Variants in DDC observed in about 807,000 individuals in gnomAD.
DDC encodes aromatic-L-amino-acid decarboxylase.
A neutral mutation model predicts 60.0 loss-of-function variants in DDC; 43 were observed. The observed-to-expected ratio is 0.72, with a 90% confidence interval of 0.56 to 0.92. DDC has a LOEUF of 0.92. Ranked by LOEUF, DDC falls within the 40% of genes least tolerant of loss-of-function variation. The probability of loss-of-function intolerance (pLI) is 0.00; values close to 1 mark genes in which losing one functional copy is unlikely to be tolerated. For synonymous variants in DDC, 232 were observed against 234.6 expected, an observed-to-expected ratio of 0.99 and a Z score of 0.10; for missense variants, 573 against 620.2, an observed-to-expected ratio of 0.92 and a Z score of 0.81.
chr7:50,492,202 G>A (rs1323318581), intron 9 of DDC, among the ~76,000 whole-genome samples: 1 of 152,178 alleles, frequency 6.6e-6, no homozygotes, highest in Non-Finnish European at 1.5e-5. Context: ...TGTTTAAGCC[G>A]CTTGTCCATG....
intron 6 of DDC, among the ~76,000 whole-genome samples, chr7:50,519,122 C>CAACA (rs1227023545): frequency 1.1e-5 from 1 of 89,572 alleles, no homozygotes; most frequent in African/African-American, 4.2e-5. Flanking sequence ...TACAAATGGC[C>CAACA]AACAAACATA....
At chr7:50,522,917 G>A (rs964608647) in intron 6 of DDC, among the ~76,000 whole-genome samples, 13 of 152,124 alleles carry the variant, frequency 8.5e-5, no homozygotes, top group African/African-American at 2.9e-4. Context: ...AGAGAGCAAA[G>A]GGAGAGGTGC....
intron 1 of DDC, among the ~76,000 whole-genome samples, chr7:50,549,899 T>C (rs2044931495): frequency 6.6e-6 from 1 of 152,226 alleles, no homozygotes; most frequent in Admixed American, 6.5e-5. Flanking sequence ...TTCTCATGGA[T>C]GAGCAAAGAC....
chr7:50,466,493 G>GAAAAAAA (rs57396757), intron 13 of DDC, among the ~76,000 whole-genome samples: 1 of 64,050 alleles, frequency 1.6e-5, no homozygotes, highest in Admixed American at 2.0e-4. Flanking sequence ...TCTCCAAAAA[G>GAAAAAAA]AAAAAAAAAA....
intron 9 of DDC, among the ~76,000 whole-genome samples, chr7:50,484,452 A>G (rs1288184211): frequency 2.6e-5 from 4 of 152,068 alleles, no homozygotes; most frequent in Admixed American, 2.6e-4. Context: ...GTTTGGTTGC[A>G]TGTTTCTTTT....
At chr7:50,542,095 G>A (rs982582128) in intron 2 of DDC, 11 of 152,122 alleles carry the variant, frequency 7.2e-5, no homozygotes, top group African/African-American at 2.2e-4. Context: ...CCAGGCCCAC[G>A]ACACTGTTAG....
At chr7:50,486,612 T>G (rs1041806927) in intron 9 of DDC, among the ~76,000 whole-genome samples, 2 of 152,204 alleles carry the variant, frequency 1.3e-5, no homozygotes, top group African/African-American at 4.8e-5. Flanking sequence ...CCCTTCCTCC[T>G]CATTCACATG....
intron 2 of DDC, among the ~76,000 whole-genome samples, chr7:50,541,777 C>A (rs1383961056): frequency 3.9e-5 from 6 of 152,198 alleles, no homozygotes; most frequent in Non-Finnish European, 7.3e-5. Flanking sequence ...CTCTTACAAT[C>A]TGAGAAGAGA....
intron 5 of DDC, among the ~76,000 whole-genome samples, chr7:50,528,991 G>A (rs2153545865): frequency 6.6e-6 from 1 of 152,254 alleles, no homozygotes; most frequent in South Asian, 2.1e-4. Flanking sequence ...AGAGCCAGTC[G>A]CGGTGATGTC....
In DDC at chr7:50,492,695, G is replaced by GTCCTCTC. The variant is rs759517781; in HGVS notation, c.944+2654_944+2655insGAGAGGA. On this transcript the variant is annotated intron_variant, in intron 9 of 14. Coordinates refer to ENST00000444124, the MANE Select transcript of DDC (RefSeq NM_001082971.2). Reference sequence around the variant, plus strand: ...CCTTCTACAAGGAAATTTTCCAAATGGCCTTTTCCAAATGGCCTGGCCTCA... The same window carrying GTCCTCTC: ...CCTTCTACAAGGAAATTTTCCAAATGTCCTCTCGCCTTTTCCAAATGGCCTGGCCTCA... 4 of 1,355,292 alleles carry GTCCTCTC rather than the reference G, an allele frequency of 3.0e-6. No individual in the cohort carries two copies. The Admixed American group carries it at 9.1e-5, about 31-fold the overall frequency. 84.0% of individuals were successfully genotyped at this position (1,355,292 alleles called of 1,614,324 possible). A position where few individuals can be genotyped will look rare whatever the true frequency, so the allele number is the denominator to read the frequency against.
At chr7:50,463,169 A>G in intron 14 of DDC, 44 bp downstream of exon 14, 1 of 1,506,768 alleles carries the variant, frequency 6.6e-7, no homozygotes, top group Admixed American at 1.9e-5. Flanking sequence ...CACTCTTGCC[A>G]CGGGACAAGG....
intron 1 of DDC, among the ~76,000 whole-genome samples, chr7:50,549,656 CAAA>C (rs58449351): frequency 1.4e-4 from 13 of 95,032 alleles, no homozygotes; most frequent in Admixed American, 1.1e-4. Context: ...GACTCTGTCT[CAAA>C]AAAAAAAAAA....
intron 6 of DDC, among the ~76,000 whole-genome samples, chr7:50,509,038 G>A (rs115951322): frequency 0.012 from 1,861 of 152,230 alleles, 32 homozygotes; most frequent in African/African-American, 0.043. Context: ...CCTCTAGGAA[G>A]TTTATTTGCG....
rs886062376 is a variant in DDC, at chr7:50,539,965, T to C, written c.265A>G (p.Met89Val). Reference sequence around the variant, plus strand: ...GCCCCGCACAGCATGTCCGCAAGCATGGCCGGGTACGAGCTGGCAGTGGGG... The same window carrying C: ...GCCCCGCACAGCATGTCCGCAAGCACGGCCGGGTACGAGCTGGCAGTGGGG... The part of the protein sequence containing the change: ...YFPTASSYPA[M>V]LADMLCGAIG... Residue 89 changes from methionine (M) to valine (V), a missense_variant, in exon 3 of 15, where the codon ATG becomes GTG. Transcript: ENST00000444124. 12 of 1,613,856 alleles carry C rather than the reference T, an allele frequency of 7.4e-6. No homozygotes were observed. The highest frequency in any genetic ancestry group is 1.0e-5 in the Non-Finnish European group (12 of 1,179,982).
intron 5 of DDC, 111 bp from the exon 6 acceptor site, chr7:50,528,391 C>A: frequency 7.2e-7 from 1 of 1,381,922 alleles, no homozygotes; most frequent in Non-Finnish European, 1.0e-6. Context: ...TCCCTCTTAA[C>A]GGCACAGGAG....
chr7:50,480,429 T>C (rs1006196952), intron 9 of DDC, among the ~76,000 whole-genome samples: 4 of 152,212 alleles, frequency 2.6e-5, no homozygotes, highest in Admixed American at 6.5e-5. Context: ...TAAAATGCTT[T>C]TTTGAATTCT....
chr7:50,466,188 T>A (rs1255047176), intron 13 of DDC, among the ~76,000 whole-genome samples: 3 of 152,130 alleles, frequency 2.0e-5, no homozygotes, highest in African/African-American at 7.2e-5. Flanking sequence ...TTGAAATGAT[T>A]GTGAATTAAA....
chr7:50,506,526 T>G (rs1005302406), intron 6 of DDC, among the ~76,000 whole-genome samples: 6 of 152,166 alleles, frequency 3.9e-5, no homozygotes, highest in Non-Finnish European at 8.8e-5. Flanking sequence ...AAGGTGAACT[T>G]GCAAGTGAGT....
chr7:50,462,479 C>T (rs11575549), intron 14 of DDC, among the ~76,000 whole-genome samples: 5,946 of 152,164 alleles, frequency 0.039, 242 homozygotes, highest in African/African-American at 0.1. Context: ...GCAAGAAGCC[C>T]GGTAGTCGAA....
Sources: gnomAD v4.1 joint callset for allele counts (sites outside exome capture counted in the v4.1 genomes callset) on GRCh38, gnomAD v4.1.1 for gene constraint, MANE v1.5 for transcripts, NCBI Gene and HGNC (gene_info 2026-07-23, HGNC 2026-07-21) for gene names.